Variants in MSH3 observed in about 807,000 individuals in gnomAD.
MSH3 encodes DNA mismatch repair protein Msh3.
MSH3 carries 106 observed loss-of-function variants against 123.3 expected under a neutral mutation model. That is an observed-to-expected ratio of 0.86 (90% CI 0.73 to 1.01). The LOEUF is 1.01. Among genes scored for constraint, MSH3 ranks in the 50% least tolerant of loss-of-function variants. The pLI is 0.00. For missense variants in MSH3, 1,459 were observed against 1,347.6 expected, an observed-to-expected ratio of 1.08 and a Z score of -1.29; for synonymous variants, 515 against 481.4, an observed-to-expected ratio of 1.07 and a Z score of -0.91.
intron 20 of MSH3, among the ~76,000 whole-genome samples, chr5:80,827,254 A>G (rs1258542590): frequency 1.3e-5 from 2 of 152,200 alleles, no homozygotes; most frequent in African/African-American, 2.4e-5. Flanking sequence ...ATGAAAAGAG[A>G]TATTTACTCG....
intron 21 of MSH3, among the ~76,000 whole-genome samples, chr5:80,861,121 C>G (rs931119337): frequency 2.1e-4 from 32 of 152,184 alleles, no homozygotes; most frequent in African/African-American, 7.2e-4. Flanking sequence ...CTTCCAATTC[C>G]CAGTCTGATA....
chr5:80,827,728 A>AT (rs1204552152), intron 20 of MSH3, among the ~76,000 whole-genome samples: 1 of 152,148 alleles, frequency 6.6e-6, no homozygotes, highest in African/African-American at 2.4e-5. Context: ...TATTTTATGA[A>AT]TTTAAGGCTT....
At position 80,792,700 on chromosome 5, in the gene MSH3, C is replaced by T. The variant is rs750703232; in HGVS notation, c.2544-33C>T. 9.2e-6 allele frequency: 12 copies of T among 1,303,058 alleles called. No individual in the cohort carries two copies. In the African/African-American group the frequency reaches 1.2e-4, roughly 13 times the overall value. The allele number at this position is 1,303,058 out of a possible 1,614,324, so 80.7% of individuals were successfully genotyped here. A position where few individuals can be genotyped will look rare whatever the true frequency, so the allele number is the denominator to read the frequency against. ...TTTTTTTTTTAAGGCTATTTCCATG[C>T]CTAGTAAATTGAAACATATTTCTTT... is the stretch of plus-strand genomic sequence containing the variant. On this transcript the variant is annotated intron_variant, in intron 18 of 23. Coordinates refer to ENST00000265081, the MANE Select transcript of MSH3 (RefSeq NM_002439.5).
At chr5:80,769,835 T>TTG (rs1353722472) in intron 15 of MSH3, among the ~76,000 whole-genome samples, 1 of 152,126 alleles carries the variant, frequency 6.6e-6, no homozygotes, top group African/African-American at 2.4e-5. Flanking sequence ...AACATTTACA[T>TTG]TGTTTTGTGT....
chr5:80,659,233 CA>C (rs34613891), intron 2 of MSH3, among the ~76,000 whole-genome samples: 44,888 of 135,462 alleles, frequency 0.33, 6,823 homozygotes, highest in Middle Eastern at 0.4. Flanking sequence ...GATTCTGTCT[CA>C]AAAAAAAAAA....
intron 12 of MSH3, among the ~76,000 whole-genome samples, chr5:80,756,339 T>C (rs1743925239): frequency 6.6e-6 from 1 of 152,182 alleles, no homozygotes; most frequent in South Asian, 2.1e-4. Context: ...AGAAATTACC[T>C]AGAATGCAGC....
chr5:80,752,954 G>T (rs1743861822), intron 12 of MSH3, among the ~76,000 whole-genome samples: 3 of 152,196 alleles, frequency 2.0e-5, no homozygotes, highest in Admixed American at 2.0e-4. Context: ...AACAGAAGTG[G>T]TGTTTTCTTG....
In MSH3 at chr5:80,654,888, CTGCAGCGGCCGCAGCG is replaced by C. The variant is rs1261820810; in HGVS notation, c.162_177del (p.Ala55ProfsTer20). On this transcript the variant is annotated frameshift_variant, in exon 1 of 24. Coordinates refer to ENST00000265081, the MANE Select transcript of MSH3 (RefSeq NM_002439.5). LOFTEE classifies it high-confidence loss of function. ...CAGGTGGACCCTGGCGCTGCAGCGG[CTGCAGCGGCCGCAGCG>C]GCCGCAGCGCCCCCAGCGCCCCCAG... is the stretch of plus-strand genomic sequence containing the variant. The C allele has an allele frequency of 9.3e-6, 8 of 859,248 alleles. No individual in the cohort carries two copies. Among genetic ancestry groups the C allele is most frequent in the African/African-American group, 8.3e-5 (3 of 36,280 alleles). The allele number at this position is 859,248 out of a possible 1,614,324, so 53.2% of individuals were successfully genotyped here. A position where few individuals can be genotyped will look rare whatever the true frequency, so the allele number is the denominator to read the frequency against.
chr5:80,869,051 G>T (rs543467228), intron 22 of MSH3, among the ~76,000 whole-genome samples: 1 of 152,254 alleles, frequency 6.6e-6, no homozygotes, highest in African/African-American at 2.4e-5. Flanking sequence ...CCTATGATGT[G>T]ATAGGTAAAA....
Position 80,654,893 on chromosome 5 carries a change from G to GCGGCCGCAC in MSH3, c.174_175insCCGGCCGCA (p.Ala58_Ala59insProAlaAla). ...GGACCCTGGCGCTGCAGCGGCTGCA[G>GCGGCCGCAC]CGGCCGCAGCGGCCGCAGCGCCCCC... On this transcript the variant is annotated inframe_insertion, in exon 1 of 24. Coordinates refer to ENST00000265081, the MANE Select transcript of MSH3 (RefSeq NM_002439.5). 1.2e-6 allele frequency: 1 copy of GCGGCCGCAC among 818,496 alleles called. No individual in the cohort carries two copies. Among genetic ancestry groups the GCGGCCGCAC allele is most frequent in the African/African-American group, 3.0e-5 (1 of 33,272 alleles). 50.7% of individuals were successfully genotyped at this position (818,496 alleles called of 1,614,324 possible). A position where few individuals can be genotyped will look rare whatever the true frequency, so the allele number is the denominator to read the frequency against.
At chr5:80,775,309 C>G (rs1226639595) in intron 15 of MSH3, among the ~76,000 whole-genome samples, 2 of 151,920 alleles carry the variant, frequency 1.3e-5, no homozygotes, top group African/African-American at 4.8e-5. Context: ...GGTGTAACAT[C>G]TAGTAATTGA....
At chr5:80,753,557 C>G (rs992398063) in intron 12 of MSH3, among the ~76,000 whole-genome samples, 1 of 152,124 alleles carries the variant, frequency 6.6e-6, no homozygotes, top group African/African-American at 2.4e-5. Flanking sequence ...ACCTCACGTT[C>G]TGATTGACTA....
intron 8 of MSH3, among the ~76,000 whole-genome samples, chr5:80,692,413 CATGTATATGTTTAGATAGATAAACAT>C (rs1750306852): frequency 3.2e-5 from 1 of 31,518 alleles, no homozygotes; most frequent in East Asian, 1.2e-3. Flanking sequence ...GATAGATAAA[CATGTATATGTTTAGATAGATAAACAT>C]GTATATGTTT....
At chr5:80,659,633 A>G (rs975651302) in intron 2 of MSH3, among the ~76,000 whole-genome samples, 1 of 152,160 alleles carries the variant, frequency 6.6e-6, no homozygotes, top group Non-Finnish European at 1.5e-5. Context: ...AAATATACAT[A>G]ACATAAAATT....
intron 19 of MSH3, among the ~76,000 whole-genome samples, chr5:80,798,854 C>G (rs757891059): frequency 1.3e-5 from 2 of 152,206 alleles, no homozygotes; most frequent in East Asian, 1.9e-4. Flanking sequence ...TGGACTCACA[C>G]TGTTCCTGCA....
intron 10 of MSH3, among the ~76,000 whole-genome samples, chr5:80,740,985 G>T (rs1743603188): frequency 6.6e-6 from 1 of 152,032 alleles, no homozygotes; most frequent in African/African-American, 2.4e-5. Flanking sequence ...CAAAGTGCTG[G>T]GATTACAGGT....
At chr5:80,833,033 A>T (rs976347859) in intron 20 of MSH3, among the ~76,000 whole-genome samples, 1 of 152,178 alleles carries the variant, frequency 6.6e-6, no homozygotes, top group Non-Finnish European at 1.5e-5. Flanking sequence ...TCAAATTTCC[A>T]TGAAAGTGTT....
chr5:80,733,712 C>T (rs528401487), intron 10 of MSH3, among the ~76,000 whole-genome samples: 23 of 151,846 alleles, frequency 1.5e-4, no homozygotes, highest in Non-Finnish European at 2.8e-4. Context: ...CCAAGAAGCA[C>T]GTGAAAATAT....
intron 22 of MSH3, among the ~76,000 whole-genome samples, chr5:80,865,813 A>G (rs1746088690): frequency 6.6e-6 from 1 of 152,230 alleles, no homozygotes; most frequent in Non-Finnish European, 1.5e-5. Context: ...GATGGACCTG[A>G]AAAAGAAATC....
Sources: allele counts gnomAD v4.1 joint callset (sites outside exome capture counted in the v4.1 genomes callset), GRCh38; gene constraint gnomAD v4.1.1; transcripts MANE v1.5; gene names NCBI Gene and HGNC (gene_info 2026-07-23, HGNC 2026-07-21).